The following SLIT3 variants were observed in gnomAD, a reference collection of about 807,000 sequenced individuals.
SLIT3 encodes the protein slit guidance ligand 3.
SLIT3 carries 68 observed loss-of-function variants against 184.0 expected under a neutral mutation model. That is an observed-to-expected ratio of 0.37 (90% CI 0.30 to 0.45). The LOEUF (loss-of-function observed/expected upper bound fraction) is 0.45, where lower values mean the gene tolerates loss of function less well. SLIT3 is among the 20% of genes least tolerant of loss of function. The pLI, the probability that SLIT3 is intolerant of heterozygous loss-of-function variation, is 1.00. For missense variants in SLIT3, 1,707 were observed against 2,026.0 expected (o/e 0.84, Z 3.02); for synonymous variants, 831 against 828.6 (o/e 1.00, Z -0.05).
intron 4 of SLIT3, chr5:169,030,479 T>C (rs181812986): frequency 4.6e-5 from 7 of 152,368 alleles, no homozygotes; most frequent in Non-Finnish European, 1.0e-4. Context: ...CCAGGACTCC[T>C]GATCCGCAGG....
chr5:168,705,721 ACTC>A (rs2113299417), intron 26 of SLIT3, among the ~76,000 whole-genome samples: 1 of 152,322 alleles, frequency 6.6e-6, no homozygotes, highest in East Asian at 1.9e-4. Context: ...CTCTGAAGAT[ACTC>A]TCTTTGCTCT....
chr5:169,055,834 G>GAA lies in SLIT3; in HGVS notation c.413+137643_413+137644dup, dbSNP rs201756362. ...GACAGAGTGAAACTCTGTCTCGGAGGAAAAAAAAAAAAGAAAAAAGAAAAA... is the reference window on the plus strand; with the variant it reads ...GACAGAGTGAAACTCTGTCTCGGAGGAAAAAAAAAAAAAAGAAAAAAGAAAAA... On this transcript the variant is annotated intron_variant, in intron 4 of 35. Coordinates refer to ENST00000519560, the MANE Select transcript of SLIT3 (RefSeq NM_003062.4). Among the ~76,000 whole-genome samples, 77 of 141,674 alleles carry GAA rather than the reference G, an allele frequency of 5.4e-4. No individual in the cohort carries two copies. In the South Asian group the frequency reaches 0.011, roughly 20 times the overall value. The allele number at this position is 141,674 out of a possible 152,430, so 92.9% of individuals were successfully genotyped here.
chr5:169,147,058 T>C (rs1217211503), intron 4 of SLIT3, among the ~76,000 whole-genome samples: 3 of 152,226 alleles, frequency 2.0e-5, no homozygotes, highest in Admixed American at 6.5e-5. Context: ...TCTGTCATAC[T>C]GGATTGATAG....
At chr5:168,708,140 T>C (rs777153838) in intron 25 of SLIT3, 40 bp from the exon 26 acceptor site, 1 of 1,613,908 alleles carries the variant, frequency 6.2e-7, no homozygotes, top group Non-Finnish European at 8.5e-7. Flanking sequence ...AGGTCCTGAG[T>C]GCGCTCACTG....
chr5:168,742,237 C>T (rs1763658294), intron 20 of SLIT3, among the ~76,000 whole-genome samples: 1 of 148,134 alleles, frequency 6.8e-6, no homozygotes, highest in Admixed American at 6.7e-5. Context: ...GGCTGGGACT[C>T]ACCTCTGGGC....
chr5:168,784,694 A>G, intron 12 of SLIT3, among the ~76,000 whole-genome samples: 1 of 152,056 alleles, frequency 6.6e-6, no homozygotes, highest in Non-Finnish European at 1.5e-5. Flanking sequence ...ACCACATAAG[A>G]TGTGTCCCTT....
chr5:168,666,425 C>G lies in SLIT3; in HGVS notation c.*29G>C. 2 of 1,522,162 alleles carry G rather than the reference C, an allele frequency of 1.3e-6. No individual in the cohort carries two copies. Among genetic ancestry groups the G allele is most frequent in the Non-Finnish European group, 1.8e-6 (2 of 1,134,146 alleles). The allele number at this position is 1,522,162 out of a possible 1,614,324, so 94.3% of individuals were successfully genotyped here. On this transcript the variant is annotated 3_prime_UTR_variant, in exon 36 of 36. Coordinates refer to ENST00000519560, the MANE Select transcript of SLIT3 (RefSeq NM_003062.4). ...GTCCCAACTCCATCAAGCTGGAGTCCGAGAGGTGGCAGGCAGGCGGGCAGG... is the reference window on the plus strand; with the variant it reads ...GTCCCAACTCCATCAAGCTGGAGTCGGAGAGGTGGCAGGCAGGCGGGCAGG...
intron 4 of SLIT3, chr5:169,018,393 G>C (rs370336902): frequency 6.6e-6 from 1 of 152,020 alleles, no homozygotes; most frequent in African/African-American, 2.4e-5. Flanking sequence ...TTTTTTGCAG[G>C]GAGGTGAGCT....
intron 3 of SLIT3, among the ~76,000 whole-genome samples, chr5:169,201,729 C>T (rs1427622966): frequency 1.3e-5 from 2 of 152,164 alleles, no homozygotes; most frequent in Non-Finnish European, 2.9e-5. Flanking sequence ...GGCTGCTGTG[C>T]CAGGGGAAGA....
chr5:169,004,827 A>G (rs1453094687), intron 4 of SLIT3, among the ~76,000 whole-genome samples: 1 of 152,216 alleles, frequency 6.6e-6, no homozygotes, highest in African/African-American at 2.4e-5. Flanking sequence ...CGATACAGCT[A>G]GAAGGCAGCT....
At chr5:168,982,601 A>C (rs1291599248) in intron 4 of SLIT3, among the ~76,000 whole-genome samples, 1 of 152,228 alleles carries the variant, frequency 6.6e-6, no homozygotes, top group Non-Finnish European at 1.5e-5. Context: ...CAAATGTATT[A>C]GTCTATAGGT....
chr5:169,087,713 A>G lies in SLIT3; in HGVS notation c.413+105766T>C, dbSNP rs927949177. Among the ~76,000 whole-genome samples, 3 of 152,276 alleles carry G rather than the reference A, an allele frequency of 2.0e-5. No individual in the cohort carries two copies. The East Asian group carries it at 5.8e-4, about 29-fold the overall frequency. ...AAACCAGCAAAGGTTTTTGTAGTAC[A>G]GTTACAACCAATAAAGAAAAAACAT... On this transcript the variant is annotated intron_variant, in intron 4 of 35. Coordinates refer to ENST00000519560, the MANE Select transcript of SLIT3 (RefSeq NM_003062.4).
intron 5 of SLIT3, among the ~76,000 whole-genome samples, chr5:168,862,109 A>T (rs549067062): frequency 2.0e-5 from 3 of 152,214 alleles, no homozygotes; most frequent in African/African-American, 7.2e-5. Context: ...TGTAGCTGGA[A>T]ACCATGTTTA....
At chr5:169,177,124 C>A (rs1037657026) in intron 4 of SLIT3, among the ~76,000 whole-genome samples, 1 of 152,210 alleles carries the variant, frequency 6.6e-6, no homozygotes, top group African/African-American at 2.4e-5. Flanking sequence ...GGGTGCATTT[C>A]TCTCCCATAA....
chr5:169,104,965 A>G (rs1262828224), intron 4 of SLIT3, among the ~76,000 whole-genome samples: 1 of 152,186 alleles, frequency 6.6e-6, no homozygotes, highest in African/African-American at 2.4e-5. Flanking sequence ...TGTCAAGAAA[A>G]GAATTAGTGT....
At chr5:169,069,463 G>A (rs971006223) in intron 4 of SLIT3, among the ~76,000 whole-genome samples, 7 of 152,110 alleles carry the variant, frequency 4.6e-5, no homozygotes, top group Admixed American at 2.6e-4. Flanking sequence ...CAGGCTGTGA[G>A]CACTTCCCAT....
intron 11 of SLIT3, among the ~76,000 whole-genome samples, chr5:168,786,943 T>C (rs1478434756): frequency 6.6e-6 from 1 of 152,182 alleles, no homozygotes; most frequent in African/African-American, 2.4e-5. Flanking sequence ...TGAAGTGCAC[T>C]GAATGCATGC....
intron 4 of SLIT3, among the ~76,000 whole-genome samples, chr5:169,112,291 C>T (rs74707839): frequency 0.064 from 9,810 of 152,180 alleles, 808 homozygotes; most frequent in East Asian, 0.35. Flanking sequence ...GTGAGGGGCT[C>T]TCAGCCTGAA....
At chr5:168,922,410 T>C (rs12521496) in intron 4 of SLIT3, among the ~76,000 whole-genome samples, 19,908 of 146,388 alleles carry the variant, frequency 0.14, 1,405 homozygotes, top group Non-Finnish European at 0.17. Context: ...TGAGCCGAGA[T>C]TGTGCCACTG....
Sources: allele counts gnomAD v4.1 joint callset (sites outside exome capture counted in the v4.1 genomes callset), GRCh38; gene constraint gnomAD v4.1.1; transcripts MANE v1.5; gene names NCBI Gene and HGNC (gene_info 2026-07-23, HGNC 2026-07-21).